The following AS3MT variants were observed in gnomAD, a reference collection of about 807,000 sequenced individuals.
AS3MT encodes the protein S-adenosyl-L-methionine:arsenic(III) methyltransferase.
Under a neutral mutation model 45.3 loss-of-function variants are expected in AS3MT, and 47 were observed. That is an observed-to-expected ratio of 1.04 (90% CI 0.82 to 1.32). The LOEUF is 1.32. AS3MT is among the 40% of genes most tolerant of loss of function. The probability of loss-of-function intolerance (pLI) is 0.00; values close to 1 mark genes in which losing one functional copy is unlikely to be tolerated. For synonymous variants in AS3MT, 141 were observed against 152.8 expected, an observed-to-expected ratio of 0.92 and a Z score of 0.57; for missense variants, 396 against 451.1, an observed-to-expected ratio of 0.88 and a Z score of 1.11.
chr10:102,878,363 G>A lies in AS3MT; in HGVS notation c.611-16G>A. 1 of 1,609,152 alleles carries A rather than the reference G, an allele frequency of 6.2e-7. No individual in the cohort carries two copies. The highest frequency in any genetic ancestry group is 8.5e-7 in the Non-Finnish European group (1 of 1,178,824). ...GTTGGCTGGTCTGTGGTTTTTTGTT[G>A]TTGTTTGTTTTTTAGGTGAGTGTCT... On this transcript the variant is annotated splice_polypyrimidine_tract_variant and intron_variant, in intron 7 of 10. Coordinates refer to ENST00000369880, the MANE Select transcript of AS3MT (RefSeq NM_020682.4).
chr10:102,890,169 T>C (rs929898653), intron 9 of AS3MT, among the ~76,000 whole-genome samples: 6 of 121,816 alleles, frequency 4.9e-5, no homozygotes, highest in Non-Finnish European at 9.1e-5. Context: ...TCCGGCTAAT[T>C]TTTTGTATTT....
intron 9 of AS3MT, among the ~76,000 whole-genome samples, chr10:102,885,739 C>T (rs1463779845): frequency 9.0e-6 from 1 of 110,592 alleles, no homozygotes; most frequent in Non-Finnish European, 2.0e-5. Flanking sequence ...CCGTTTTAGC[C>T]GGGATGGTCT....
chr10:102,899,169 T>G (rs1161915367), intron 10 of AS3MT, among the ~76,000 whole-genome samples: 4 of 152,312 alleles, frequency 2.6e-5, no homozygotes, highest in Middle Eastern at 6.8e-3. Flanking sequence ...TTTTTATATT[T>G]TCAGTAGAGA....
intron 9 of AS3MT, among the ~76,000 whole-genome samples, chr10:102,879,258 A>C (rs1280924378): frequency 2.6e-5 from 4 of 152,134 alleles, no homozygotes; most frequent in African/African-American, 7.2e-5. Context: ...TCCTGGGCTC[A>C]AGCGATCCTC....
chr10:102,877,187 T>C (rs1273524682), intron 7 of AS3MT, 152 bp downstream of exon 7: 2 of 688,278 alleles, frequency 2.9e-6, no homozygotes, highest in East Asian at 2.6e-5. Context: ...TCAAAAGTGA[T>C]AGGGCTTTGG....
intron 10 of AS3MT, among the ~76,000 whole-genome samples, chr10:102,896,628 A>G (rs1485940247): frequency 6.6e-6 from 1 of 152,040 alleles, no homozygotes; most frequent in African/African-American, 2.4e-5. Context: ...CAAGATGGTG[A>G]AACCCCGTCT....
chr10:102,876,844 C>A, intron 6 of AS3MT, 110 bp from the exon 7 acceptor site: 1 of 1,070,782 alleles, frequency 9.3e-7, no homozygotes, highest in Non-Finnish European at 1.4e-6. Context: ...TCAGCTTAAA[C>A]ATTGCTATTG....
chr10:102,871,776 C>T (rs1470881588), intron 3 of AS3MT, among the ~76,000 whole-genome samples: 5 of 151,874 alleles, frequency 3.3e-5, no homozygotes, highest in African/African-American at 1.2e-4. Context: ...CAAAAAACGC[C>T]TATGGGACAG....
At chr10:102,886,848 C>T (rs952979627) in intron 9 of AS3MT, among the ~76,000 whole-genome samples, 6 of 152,170 alleles carry the variant, frequency 3.9e-5, no homozygotes, top group Admixed American at 1.3e-4. Flanking sequence ...AACTCCTGGG[C>T]TCAAGCAATC....
intron 9 of AS3MT, among the ~76,000 whole-genome samples, chr10:102,888,877 A>ATTTTTTTTTTTT (rs1328370210): frequency 1.3e-4 from 6 of 47,758 alleles, no homozygotes; most frequent in African/African-American, 2.2e-4. Flanking sequence ...ATATATATAT[A>ATTTTTTTTTTTT]TATATTTTTT....
chr10:102,886,685 G>A (rs1444305733), intron 9 of AS3MT, among the ~76,000 whole-genome samples: 1 of 151,926 alleles, frequency 6.6e-6, no homozygotes, highest in Non-Finnish European at 1.5e-5. Flanking sequence ...GTGCAGTGGT[G>A]CAATCATGGC....
At chr10:102,893,736 T>C (rs1376953503) in intron 10 of AS3MT, among the ~76,000 whole-genome samples, 1 of 152,030 alleles carries the variant, frequency 6.6e-6, no homozygotes, top group Non-Finnish European at 1.5e-5. Context: ...CCTTACCTCA[T>C]GATCCACCCA....
intron 9 of AS3MT, among the ~76,000 whole-genome samples, chr10:102,889,569 T>C (rs1845023614): frequency 6.6e-6 from 1 of 151,452 alleles, no homozygotes; most frequent in Non-Finnish European, 1.5e-5. Flanking sequence ...TTCCCTGACA[T>C]ACTGATTTCA....
chr10:102,870,599 CTG>C (rs1392524093), intron 3 of AS3MT, among the ~76,000 whole-genome samples: 1 of 152,216 alleles, frequency 6.6e-6, no homozygotes, highest in Admixed American at 6.5e-5. Flanking sequence ...CGTGAACACT[CTG>C]TAGTCCCTAC....
chr10:102,889,007 C>G (rs1007189413), intron 9 of AS3MT, among the ~76,000 whole-genome samples: 1 of 151,254 alleles, frequency 6.6e-6, no homozygotes, highest in East Asian at 2.0e-4. Flanking sequence ...TCTCCTGCCT[C>G]AGCGCCCCGA....
intron 9 of AS3MT, among the ~76,000 whole-genome samples, chr10:102,890,158 G>A (rs1334331743): frequency 2.9e-5 from 4 of 137,510 alleles, no homozygotes; most frequent in Non-Finnish European, 4.8e-5. Context: ...CTGCCACTAT[G>A]TCCGGCTAAT....
intron 10 of AS3MT, among the ~76,000 whole-genome samples, chr10:102,892,712 A>G (rs1845091085): frequency 6.6e-6 from 1 of 152,166 alleles, no homozygotes; most frequent in South Asian, 2.1e-4. Flanking sequence ...ACAGTGGCTC[A>G]AGCCTGTAAT....
intron 9 of AS3MT, among the ~76,000 whole-genome samples, chr10:102,885,819 G>A (rs1446392245): frequency 9.0e-5 from 5 of 55,712 alleles, no homozygotes; most frequent in Admixed American, 1.8e-4. Context: ...GTGAGCCACC[G>A]CGCCCGGCCC....
Position 102,900,674 on chromosome 10 carries a change from T to G in AS3MT, c.1102T>G (p.Cys368Gly). ...ATGTGTCCCTGATGCTGCTGGAGGC[T>G]GCTGTGGCACAAAGAAAAGCTGCTA... is the stretch of plus-strand genomic sequence containing the variant. ...SRCVPDAAGG[C>G]CGTKKSC Residue 368 changes from cysteine (C) to glycine (G), a missense_variant, in exon 11 of 11, where the codon TGC becomes GGC. Physicochemically the swap from Cys to Gly is radical, Grantham distance 159. Coordinates refer to ENST00000369880, the MANE Select transcript of AS3MT (RefSeq NM_020682.4). 6.2e-7 allele frequency: 1 copy of G among 1,614,142 alleles called. No homozygotes were observed. The highest frequency in any genetic ancestry group is 1.1e-5 in the South Asian group (1 of 91,088).
Sources: allele counts gnomAD v4.1 joint callset (sites outside exome capture counted in the v4.1 genomes callset), GRCh38; gene constraint gnomAD v4.1.1; transcripts MANE v1.5; gene names NCBI Gene and HGNC (gene_info 2026-07-23, HGNC 2026-07-21).